DBI: variants seen among roughly 807,000 people sequenced by gnomAD.
The protein encoded by DBI is acyl-CoA-binding protein.
DBI carries 12 observed loss-of-function variants against 13.0 expected under a neutral mutation model. The observed-to-expected ratio is 0.92, with a 90% CI of 0.59 to 1.49. The LOEUF (loss-of-function observed/expected upper bound fraction) is 1.49. Among genes scored for constraint, DBI ranks in the 40% most tolerant of loss-of-function variants. DBI has a pLI of 0.00. For synonymous variants in DBI, 37 were observed against 37.4 expected, an observed-to-expected ratio of 0.99 and a Z score of 0.04; for missense variants, 95 against 104.8, an observed-to-expected ratio of 0.91 and a Z score of 0.41.
Position 119,370,768 on chromosome 2 carries a change from C to T in DBI, c.156C>T (p.Gly52=). 8 of 1,614,068 alleles carry T rather than the reference C, an allele frequency of 5.0e-6. No individual in the cohort carries two copies. Among genetic ancestry groups the T allele is most frequent in the Non-Finnish European group, 6.8e-6 (8 of 1,179,958 alleles). ...GGCCCGGGATGTTGGACTTCACGGG[C>T]AAGGCCAAGTGGGATGCCTGGAATG... is the stretch of plus-strand genomic sequence containing the variant. ...TERPGMLDFT[G]KAKWDAWNEL... is the part of the protein sequence containing the mutation. The change falls in exon 3 of 4, where the codon GGC becomes GGT. Residue 52 remains glycine, a synonymous_variant. Coordinates refer to ENST00000355857, the MANE Select transcript of DBI (RefSeq NM_001079862.4).
chr2:119,367,853 G>T, intron 1 of DBI: 1 of 1,613,694 alleles, frequency 6.2e-7, no homozygotes, highest in Non-Finnish European at 8.5e-7. Flanking sequence ...TGCTTCTCCC[G>T]CAGAGGGGAC....
intron 3 of DBI, among the ~76,000 whole-genome samples, chr2:119,371,063 T>C (rs937029349): frequency 6.6e-6 from 1 of 152,266 alleles, no homozygotes; most frequent in Middle Eastern, 3.4e-3. Context: ...GAAAAATAGT[T>C]TGGGAAATGA....
chr2:119,368,317 G>C lies in DBI; in HGVS notation c.127+12G>C, dbSNP rs774335931. ...CGACATAAATACAGGTATGCAGAGC[G>C]GGGGTTGGAAGGGCATCTGCTCATC... On this transcript the variant is annotated intron_variant, in intron 2 of 3. Coordinates refer to ENST00000355857, the MANE Select transcript of DBI (RefSeq NM_001079862.4). 1.1e-5 allele frequency: 18 copies of C among 1,600,618 alleles called. No individual in the cohort carries two copies. The highest frequency in any genetic ancestry group is 1.5e-5 in the Non-Finnish European group (18 of 1,167,736).
intron 2 of DBI, 54 bp from the exon 3 acceptor site, chr2:119,370,686 A>G: frequency 1.3e-6 from 2 of 1,526,136 alleles, no homozygotes; most frequent in Non-Finnish European, 9.1e-7. Flanking sequence ...AGGTTGATCA[A>G]GTTCTCCATT....
intron 2 of DBI, 71 bp downstream of exon 2, chr2:119,368,376 T>A (rs148851266): frequency 2.6e-6 from 3 of 1,150,560 alleles, no homozygotes; most frequent in African/African-American, 1.5e-5. Context: ...TGGAAGTCCC[T>A]GGGAACTTCA....
chr2:119,371,576 G>C (rs1681518547), intron 3 of DBI, among the ~76,000 whole-genome samples: 1 of 152,216 alleles, frequency 6.6e-6, no homozygotes, highest in Admixed American at 6.5e-5. Flanking sequence ...GTACTCTCCA[G>C]TGCTTCAGAA....
chr2:119,372,452 C>T lies in DBI; in HGVS notation c.*134C>T, dbSNP rs1045888596. On this transcript the variant is annotated 3_prime_UTR_variant, in exon 4 of 4. Coordinates refer to ENST00000355857, the MANE Select transcript of DBI (RefSeq NM_001079862.4). ...CAGCTACTCAAGGCTGCTCACCATA[C>T]GGCTCTAACAGATTAGGGGCTAAAA... 2.2e-5 allele frequency: 14 copies of T among 639,284 alleles called. No homozygotes were observed. Among genetic ancestry groups the T allele is most frequent in the East Asian group, 5.6e-5 (2 of 35,408 alleles). The allele number at this position is 639,284 out of a possible 1,614,324, so 39.6% of individuals were successfully genotyped here. A position where few individuals can be genotyped will look rare whatever the true frequency, so the allele number is the denominator to read the frequency against.
At chr2:119,367,927 C>T (rs761602461) in intron 1 of DBI, 5 of 1,614,208 alleles carry the variant, frequency 3.1e-6, no homozygotes, top group Non-Finnish European at 4.2e-6. Flanking sequence ...CTGATGCCTG[C>T]GTTTGTGAGA....
intron 3 of DBI, among the ~76,000 whole-genome samples, chr2:119,371,468 A>G (rs987839318): frequency 6.6e-6 from 1 of 152,168 alleles, no homozygotes; most frequent in Admixed American, 6.5e-5. Flanking sequence ...GCCACAATAC[A>G]ATAAACACAC....
Position 119,368,297 on chromosome 2 carries a change from T to A in DBI, c.119T>A (p.Ile40Lys). The change falls in exon 2 of 4, where the codon ATA becomes AAA. Residue 40 changes from isoleucine (I) to lysine (K), a missense_variant. By Grantham distance (102) the Ile-to-Lys change is moderately radical. Coordinates refer to ENST00000355857, the MANE Select transcript of DBI (RefSeq NM_001079862.4). Reference sequence around the variant, plus strand: ...TACAAACAAGCAACTGTGGGCGACATAAATACAGGTATGCAGAGCGGGGGT... The same window carrying A: ...TACAAACAAGCAACTGTGGGCGACAAAAATACAGGTATGCAGAGCGGGGGT... ...GHYKQATVGD[I>K]NTERPGMLDF... The A allele has an allele frequency of 6.2e-7, 1 of 1,612,058 alleles. No individual in the cohort carries two copies. The highest frequency in any genetic ancestry group is 8.5e-7 in the Non-Finnish European group (1 of 1,178,152).
rs577355930 is a variant in DBI at position 119,367,817 on chromosome 2, G to A, written c.10-371G>A. On this transcript the variant is annotated intron_variant, in intron 1 of 3. Transcript: ENST00000355857. ...CCGGCCACTCCCTAGTGCCTGGCCCGGTGGTGGCCAGGCAGTTGGCCGCGC... is the reference window on the plus strand; with the variant it reads ...CCGGCCACTCCCTAGTGCCTGGCCCAGTGGTGGCCAGGCAGTTGGCCGCGC... 1.9e-5 allele frequency: 31 copies of A among 1,612,560 alleles called. No individual in the cohort carries two copies. The African/African-American group carries it at 3.2e-4, about 17-fold the overall frequency.
At chr2:119,368,955 T>G (rs1681302258) in intron 2 of DBI, 1 of 152,436 alleles carries the variant, frequency 6.6e-6, no homozygotes, top group Admixed American at 6.5e-5. Context: ...CTCAGGGTTA[T>G]CATGGCAGCA....
chr2:119,367,975 G>T, intron 1 of DBI: 1 of 1,613,728 alleles, frequency 6.2e-7, no homozygotes, highest in Non-Finnish European at 8.5e-7. Context: ...TGAGTGAACT[G>T]GAGGGGCTTC....
At chr2:119,368,002 G>T in intron 1 of DBI, 186 bp from the exon 2 acceptor site, 1 of 1,607,724 alleles carries the variant, frequency 6.2e-7, no homozygotes, top group Admixed American at 1.7e-5. Flanking sequence ...TTGTGTTGCT[G>T]AATCTTTCTA....
At chr2:119,367,862 A>AC in intron 1 of DBI, 4 of 1,613,588 alleles carry the variant, frequency 2.5e-6, no homozygotes, top group Non-Finnish European at 2.5e-6. Flanking sequence ...CGCAGAGGGG[A>AC]CCCCCACTGG....
At chr2:119,370,636 G>A in intron 2 of DBI, 104 bp from the exon 3 acceptor site, 5 of 1,061,656 alleles carry the variant, frequency 4.7e-6, no homozygotes, top group Non-Finnish European at 5.6e-6. Context: ...ACAGAGCCTA[G>A]AAGGAACAGG....
At position 119,368,321 on chromosome 2, in the gene DBI, G is replaced by T. The variant is rs1308864687; in HGVS notation, c.127+16G>T. ...ATAAATACAGGTATGCAGAGCGGGG[G>T]TTGGAAGGGCATCTGCTCATCAAAG... On this transcript the variant is annotated intron_variant, in intron 2 of 3. Coordinates refer to ENST00000355857, the MANE Select transcript of DBI (RefSeq NM_001079862.4). 2 of 1,588,728 alleles carry T rather than the reference G, an allele frequency of 1.3e-6. No homozygotes were observed. The highest frequency in any genetic ancestry group is 1.1e-5 in the South Asian group (1 of 90,588).
At chr2:119,367,907 A>T (rs768303599) in intron 1 of DBI, 3 of 1,614,098 alleles carry the variant, frequency 1.9e-6, no homozygotes, top group Non-Finnish European at 2.5e-6. Context: ...TCACTGCTGT[A>T]TTTCCAGACC....
chr2:119,367,004 T>C lies in DBI; in HGVS notation c.-48T>C. 1 of 1,613,112 alleles carries C rather than the reference T, an allele frequency of 6.2e-7. No individual in the cohort carries two copies. Among genetic ancestry groups the C allele is most frequent in the Middle Eastern group, 1.7e-4 (1 of 6,054 alleles). ...TGCAATCTGGGCGATCGCTTCCTGG[T>C]CCTCGCCTCCTCCGCTGTCTCCCTG... On this transcript the variant is annotated 5_prime_UTR_variant, in exon 1 of 4. Coordinates refer to ENST00000355857, the MANE Select transcript of DBI (RefSeq NM_001079862.4).
Sources: allele counts gnomAD v4.1 joint callset (sites outside exome capture counted in the v4.1 genomes callset), GRCh38; gene constraint gnomAD v4.1.1; transcripts MANE v1.5; gene names NCBI Gene and HGNC (gene_info 2026-07-23, HGNC 2026-07-21).